BMAL1: variants seen among roughly 807,000 people sequenced by gnomAD.
BMAL1 encodes basic helix-loop-helix ARNT like 1, also known as basic helix-loop-helix ARNT-like protein 1.
chr11:13,360,675 G>C, the BMAL1 span, among the ~76,000 whole-genome samples: 3 of 152,168 alleles, frequency 2.0e-5, no homozygotes, highest in Non-Finnish European at 4.4e-5. Flanking sequence ...AATCAGAAGA[G>C]TCAGGATTTG....
chr11:13,383,967 T>A, the BMAL1 span, among the ~76,000 whole-genome samples: 13 of 152,370 alleles, frequency 8.5e-5, no homozygotes, highest in Middle Eastern at 3.4e-3. Flanking sequence ...AAATGAGAAG[T>A]ACACAGAACT....
chr11:13,293,893 A>G, the BMAL1 span, among the ~76,000 whole-genome samples: 85 of 152,328 alleles, frequency 5.6e-4, no homozygotes, highest in Non-Finnish European at 8.2e-4. Flanking sequence ...GGCCACCAAA[A>G]CTTGATTTCT....
At chr11:13,306,574 T>C in the BMAL1 span, among the ~76,000 whole-genome samples, 1 of 152,148 alleles carries the variant, frequency 6.6e-6, no homozygotes, top group Non-Finnish European at 1.5e-5. Flanking sequence ...ACAGAGGAAG[T>C]CTGGCTGCTG....
chr11:13,325,342 T>C, the BMAL1 span, among the ~76,000 whole-genome samples: 2 of 152,252 alleles, frequency 1.3e-5, no homozygotes, highest in African/African-American at 4.8e-5. Context: ...TCCATTGATC[T>C]TTGCATACTC....
the BMAL1 span, among the ~76,000 whole-genome samples, chr11:13,299,416 G>A: frequency 1.3e-5 from 2 of 152,290 alleles, no homozygotes; most frequent in African/African-American, 4.8e-5. Context: ...AGGGAGCACA[G>A]CTTCTGGGGG....
chr11:13,294,251 G>C, the BMAL1 span, among the ~76,000 whole-genome samples: 1 of 152,172 alleles, frequency 6.6e-6, no homozygotes, highest in Admixed American at 6.5e-5. Flanking sequence ...AAAAAAACAG[G>C]AATTGAAATT....
the BMAL1 span, among the ~76,000 whole-genome samples, chr11:13,316,312 G>A: frequency 6.6e-6 from 1 of 152,238 alleles, no homozygotes; most frequent in South Asian, 2.1e-4. Context: ...TGGTGCAGTT[G>A]GTATGTGTGC....
chr11:13,278,380 G>A, the BMAL1 span, among the ~76,000 whole-genome samples: 1 of 152,228 alleles, frequency 6.6e-6, no homozygotes, highest in African/African-American at 2.4e-5. Context: ...CGGGAGCTTC[G>A]GGGATCCCCG....
the BMAL1 span, among the ~76,000 whole-genome samples, chr11:13,289,797 G>A: frequency 1.3e-5 from 2 of 152,198 alleles, no homozygotes; most frequent in East Asian, 3.8e-4. Flanking sequence ...GGACATTTGG[G>A]TTGGTTCCAA....
chr11:13,346,358 C>G, the BMAL1 span, among the ~76,000 whole-genome samples: 1 of 152,170 alleles, frequency 6.6e-6, no homozygotes, highest in South Asian at 2.1e-4. Context: ...TTTTAGGGTG[C>G]TGGAGCAGGG....
At chr11:13,353,341 G>C in the BMAL1 span, 1 of 155,098 alleles carries the variant, frequency 6.4e-6, no homozygotes, top group South Asian at 2.1e-4. Flanking sequence ...AAAGCTGTAT[G>C]CTCAGAAAGG....
the BMAL1 span, among the ~76,000 whole-genome samples, chr11:13,302,401 G>T: frequency 6.6e-6 from 1 of 152,196 alleles, no homozygotes; most frequent in African/African-American, 2.4e-5. Context: ...GTAGAAAGAG[G>T]TGAGTGTGAC....
chr11:13,384,352 G>A, the BMAL1 span, among the ~76,000 whole-genome samples: 16,693 of 152,130 alleles, frequency 0.11, 1,181 homozygotes, highest in East Asian at 0.28. Context: ...TAGAAGATCT[G>A]CATAACTCAG....
the BMAL1 span, among the ~76,000 whole-genome samples, chr11:13,371,974 T>G: frequency 6.6e-6 from 1 of 152,330 alleles, no homozygotes; most frequent in Non-Finnish European, 1.5e-5. Context: ...ACTTAAGCAT[T>G]CTGACACTGG....
chr11:13,312,105 G>A, the BMAL1 span, among the ~76,000 whole-genome samples: 1 of 152,198 alleles, frequency 6.6e-6, no homozygotes, highest in Non-Finnish European at 1.5e-5. Flanking sequence ...AAAAGCAACA[G>A]TTGTAACTGG....
chr11:13,309,758 G>A, the BMAL1 span, among the ~76,000 whole-genome samples: 1 of 152,114 alleles, frequency 6.6e-6, no homozygotes, highest in South Asian at 2.1e-4. Context: ...AACGTGCCAT[G>A]TGTTACCATA....
At chr11:13,313,170 G>A in the BMAL1 span, among the ~76,000 whole-genome samples, 2 of 152,182 alleles carry the variant, frequency 1.3e-5, no homozygotes, top group African/African-American at 4.8e-5. Flanking sequence ...CTCAGGCCTC[G>A]CTTTCTTCAG....
the BMAL1 span, among the ~76,000 whole-genome samples, chr11:13,297,698 G>A: frequency 2.6e-5 from 4 of 152,184 alleles, no homozygotes; most frequent in South Asian, 2.1e-4. Flanking sequence ...CCTGCTTCAT[G>A]GCCTATGCTG....
At chr11:13,328,846 T>C in the BMAL1 span, among the ~76,000 whole-genome samples, 1 of 152,364 alleles carries the variant, frequency 6.6e-6, no homozygotes, top group Non-Finnish European at 1.5e-5. Context: ...CTATCACTTA[T>C]TAGATGCAGC....
Sources: gnomAD v4.1 joint callset for allele counts (sites outside exome capture counted in the v4.1 genomes callset) on GRCh38, gnomAD v4.1.1 for gene constraint, MANE v1.5 for transcripts, NCBI Gene and HGNC (gene_info 2026-07-23, HGNC 2026-07-21) for gene names.